Variants in TRIOBP observed in about 807,000 individuals in gnomAD.
TRIOBP encodes TRIO and F-actin binding protein.
TRIOBP carries 169 observed loss-of-function variants against 238.8 expected under a neutral mutation model. That is an observed-to-expected ratio of 0.71 (90% confidence interval 0.62 to 0.80). The LOEUF is 0.80. TRIOBP is among the 30% of genes least tolerant of loss of function. The probability of loss-of-function intolerance (pLI) is 0.00; values close to 1 mark genes in which losing one functional copy is unlikely to be tolerated. For synonymous variants in TRIOBP, 1,150 were observed against 1,274.4 expected, an observed-to-expected ratio of 0.90 and a Z score of 2.08; for missense variants, 2,838 against 3,122.6, an observed-to-expected ratio of 0.91 and a Z score of 2.17.
chr22:37,702,634 C>CTCTCTTTTTTTTTTTTTT (rs1226390715), intron 3 of TRIOBP, among the ~76,000 whole-genome samples: 2 of 81,198 alleles, frequency 2.5e-5, no homozygotes, highest in African/African-American at 1.0e-4. Context: ...TTCTCTCTCT[C>CTCTCTTTTTTTTTTTTTT]TTTTTTTTTT....
chr22:37,732,379 C>T (rs1569045186), intron 7 of TRIOBP, among the ~76,000 whole-genome samples: 1 of 152,078 alleles, frequency 6.6e-6, no homozygotes, highest in African/African-American at 2.4e-5. Context: ...GGCGTGGTGG[C>T]TCATGCCTGT....
rs1379775104 is a variant in TRIOBP, at chr22:37,735,218, A to G, written c.4882A>G (p.Ser1628Gly). 4 of 1,606,978 alleles carry G rather than the reference A, an allele frequency of 2.5e-6. No individual in the cohort carries two copies. Among genetic ancestry groups the G allele is most frequent in the Admixed American group, 1.7e-5 (1 of 59,874 alleles). ...TNDVPEQESH[S>G]QPEGWAEATP... ...CGATGTCCCTGAGCAGGAGTCACAC[A>G]GCCAGCCAGAAGGCTGGGCCGAGGC... The change falls in exon 9 of 24, where the codon AGC becomes GGC. Residue 1628 changes from serine (S) to glycine (G), a missense_variant. Physicochemically the swap from Ser to Gly is moderately conservative, Grantham distance 56 (BLOSUM62 0). Transcript: ENST00000644935.
At chr22:37,707,464 C>T (rs907450060) in intron 3 of TRIOBP, among the ~76,000 whole-genome samples, 7 of 151,868 alleles carry the variant, frequency 4.6e-5, no homozygotes, top group African/African-American at 1.2e-4. Flanking sequence ...GGGGTTGGGG[C>T]GGGTCTTCCC....
Position 37,754,957 on chromosome 22 carries a change from A to G in TRIOBP, c.5460A>G (p.Lys1820=), listed in dbSNP as rs1461367342. The G allele has an allele frequency of 6.2e-7, 1 of 1,614,092 alleles. No individual in the cohort carries two copies. The highest frequency in any genetic ancestry group is 1.7e-5 in the Admixed American group (1 of 60,006). ...HWFVLTDSSL[K]YYRDSTAEEA... is the part of the protein sequence containing the mutation. ...TTGTGCTGACAGATTCAAGTCTCAA[A>G]TATTACAGAGACTCCACTGCTGAGG... The change falls in exon 13 of 24, where the codon AAA becomes AAG. Residue 1820 remains lysine, a synonymous_variant. Transcript: ENST00000644935.
At chr22:37,753,259 T>C (rs1925718872) in intron 12 of TRIOBP, among the ~76,000 whole-genome samples, 1 of 151,994 alleles carries the variant, frequency 6.6e-6, no homozygotes, top group Non-Finnish European at 1.5e-5. Flanking sequence ...AGGCACTTCT[T>C]TTTTTGTTTT....
intron 8 of TRIOBP, 130 bp from the exon 9 acceptor site, chr22:37,734,269 C>T: frequency 1.2e-6 from 1 of 864,924 alleles, no homozygotes; most frequent in Non-Finnish European, 1.9e-6. Context: ...ACCCTGTGTA[C>T]TTTTTGGCCT....
intron 3 of TRIOBP, among the ~76,000 whole-genome samples, chr22:37,709,640 C>G (rs945531495): frequency 6.6e-6 from 1 of 152,210 alleles, no homozygotes; most frequent in Non-Finnish European, 1.5e-5. Context: ...CTCCCACCAC[C>G]AGGGGAGGGA....
intron 11 of TRIOBP, chr22:37,751,345 G>A (rs1403995216): frequency 3.6e-5 from 12 of 337,190 alleles, no homozygotes; most frequent in East Asian, 8.0e-5. Flanking sequence ...GGGAGGGTCC[G>A]TGGGGCACTT....
In TRIOBP at chr22:37,768,794, C is replaced by T. The variant is rs1926621609; in HGVS notation, c.6576-234C>T. 6.0e-5 allele frequency among the ~76,000 whole-genome samples: 9 copies of T among 149,810 alleles called. 1 individual carries two copies. The South Asian group carries it at 1.7e-3, about 28-fold the overall frequency. ...CCAGCCTGGGCAACAAGAGTGAGAGCAAGACTCCATCTAAAAAAAAAAAAA... is the reference window on the plus strand; with the variant it reads ...CCAGCCTGGGCAACAAGAGTGAGAGTAAGACTCCATCTAAAAAAAAAAAAA... On this transcript the variant is annotated intron_variant, in intron 19 of 23. Coordinates refer to ENST00000644935, the MANE Select transcript of TRIOBP (RefSeq NM_001039141.3).
rs375012942 is a variant in TRIOBP, at chr22:37,725,612, G to C, written c.3056G>C (p.Gly1019Ala). Reference protein sequence around the residue: ...PSQPPCAVCIGHRDAPRASSP... With the variant: ...PSQPPCAVCIAHRDAPRASSP... ...CAGCCTCCATGTGCTGTGTGCATTG[G>C]GCACCGGGATGCCCCTCGAGCCTCT... is the stretch of plus-strand genomic sequence containing the variant. Residue 1019 changes from glycine to alanine, a missense_variant, in exon 7 of 24, where the codon GGG becomes GCG. Physicochemically the swap from Gly to Ala is moderately conservative, Grantham distance 60. Transcript: ENST00000644935. 5.6e-6 allele frequency: 9 copies of C among 1,613,738 alleles called. No individual in the cohort carries two copies. The African/African-American group carries it at 1.2e-4, about 22-fold the overall frequency.
intron 6 of TRIOBP, among the ~76,000 whole-genome samples, chr22:37,716,935 T>A (rs1320667792): frequency 6.6e-6 from 1 of 152,214 alleles, no homozygotes; most frequent in Non-Finnish European, 1.5e-5. Context: ...GGTGATAATT[T>A]GTCAGCAAAC....
At chr22:37,759,709 G>C (rs1275215800) in intron 17 of TRIOBP, 5 of 1,485,244 alleles carry the variant, frequency 3.4e-6, no homozygotes, top group Middle Eastern at 2.4e-4. Context: ...GGACAGGGGA[G>C]CCTCCAGTAG....
Position 37,724,503 on chromosome 22 carries a change from A to G in TRIOBP, c.1947A>G (p.Arg649=), listed in dbSNP as rs371207255. Residue 649 remains arginine, a synonymous_variant, in exon 7 of 24, where the codon AGA becomes AGG. Coordinates refer to ENST00000644935, the MANE Select transcript of TRIOBP (RefSeq NM_001039141.3). ...GAACCACCCAACAAGACAGCCCCAG[A>G]ACATCCTGTGCCCGACGGGACGATC... ...PNRTTQQDSP[R]TSCARRDDPR... 1.9e-6 allele frequency: 3 copies of G among 1,604,310 alleles called. No individual in the cohort carries two copies. The African/African-American group carries it at 4.0e-5, about 22-fold the overall frequency.
chr22:37,717,139 G>A (rs531929727), intron 6 of TRIOBP, among the ~76,000 whole-genome samples: 4 of 152,302 alleles, frequency 2.6e-5, no homozygotes, highest in Middle Eastern at 3.4e-3. Context: ...GCTGGCTCAG[G>A]AGTGAAGCTG....
chr22:37,755,412 T>C, intron 14 of TRIOBP, 138 bp from the exon 15 acceptor site: 1 of 949,696 alleles, frequency 1.1e-6, no homozygotes, highest in Non-Finnish European at 1.7e-6. Context: ...GAAGGGAGGT[T>C]TTGTACCCCC....
At chr22:37,717,435 C>A (rs1923580366) in intron 6 of TRIOBP, among the ~76,000 whole-genome samples, 1 of 152,172 alleles carries the variant, frequency 6.6e-6, no homozygotes, top group South Asian at 2.1e-4. Flanking sequence ...CCACCCACAT[C>A]CTGCTGATTG....
intron 1 of TRIOBP, 112 bp from the exon 2 acceptor site, chr22:37,697,476 G>C (rs908530303): frequency 6.6e-6 from 1 of 152,182 alleles, no homozygotes; most frequent in Non-Finnish European, 1.5e-5. Context: ...ACCAGGAGTC[G>C]GGAGGACGAC....
At position 37,758,846 on chromosome 22, in the gene TRIOBP, C is replaced by T. The variant is rs551886918; in HGVS notation, c.6214-308C>T. Among the ~76,000 whole-genome samples, 11 of 152,280 alleles carry T rather than the reference C, an allele frequency of 7.2e-5. No homozygotes were observed. In the East Asian group the frequency reaches 2.1e-3, roughly 29 times the overall value. On this transcript the variant is annotated intron_variant, in intron 16 of 23. Coordinates refer to ENST00000644935, the MANE Select transcript of TRIOBP (RefSeq NM_001039141.3). ...GGAAAACTGAGGCTCAAAGATGTTT[C>T]CTCTGTCACCTCCATGATGTGTAAA...
intron 7 of TRIOBP, among the ~76,000 whole-genome samples, chr22:37,730,680 G>A (rs992251295): frequency 2.6e-5 from 4 of 152,068 alleles, no homozygotes; most frequent in African/African-American, 7.2e-5. Context: ...AGTGGCTCAT[G>A]CTTGTAATGC....
Sources: gnomAD v4.1 joint callset for allele counts (sites outside exome capture counted in the v4.1 genomes callset) on GRCh38, gnomAD v4.1.1 for gene constraint, MANE v1.5 for transcripts, NCBI Gene and HGNC (gene_info 2026-07-23, HGNC 2026-07-21) for gene names.